The following ANKMY2 variants were observed in gnomAD, a reference collection of about 807,000 sequenced individuals.
ANKMY2 encodes the protein ankyrin repeat and MYND domain-containing protein 2.
A neutral mutation model predicts 50.4 loss-of-function variants in ANKMY2; 36 were observed. That is an observed-to-expected ratio of 0.71 (90% CI 0.55 to 0.94). The LOEUF is 0.94. ANKMY2 is among the 40% of genes least tolerant of loss of function. The pLI is 0.00. For synonymous variants in ANKMY2, 187 were observed against 178.8 expected (o/e 1.05, Z -0.36); for missense variants, 565 against 524.0 (o/e 1.08, Z -0.76).
At chr7:16,624,428 A>G (rs911315548) in intron 4 of ANKMY2, among the ~76,000 whole-genome samples, 1 of 152,258 alleles carries the variant, frequency 6.6e-6, no homozygotes, top group African/African-American at 2.4e-5. Flanking sequence ...GATGAGAATG[A>G]TAACGAAGTA....
chr7:16,644,016 AAG>A (rs1424168520), intron 1 of ANKMY2, among the ~76,000 whole-genome samples: 3 of 152,128 alleles, frequency 2.0e-5, no homozygotes, highest in Non-Finnish European at 2.9e-5. Flanking sequence ...GAGAGAGAGA[AAG>A]AGACAGCGAG....
intron 1 of ANKMY2, among the ~76,000 whole-genome samples, chr7:16,642,670 C>T (rs377626510): frequency 7.3e-5 from 11 of 151,356 alleles, no homozygotes; most frequent in East Asian, 5.8e-4. Context: ...AAAAAACTCA[C>T]TTCACCCACT....
intron 4 of ANKMY2, among the ~76,000 whole-genome samples, chr7:16,619,546 T>C (rs1381310186): frequency 6.6e-6 from 1 of 152,204 alleles, no homozygotes; most frequent in African/African-American, 2.4e-5. Flanking sequence ...ATTTTGATAT[T>C]TTATTTTAAT....
In ANKMY2 at chr7:16,643,315, A is replaced by G. The variant is rs527775130; in HGVS notation, c.67+2192T>C. Among the ~76,000 whole-genome samples, 13 of 152,330 alleles carry G rather than the reference A, an allele frequency of 8.5e-5. No homozygotes were observed. In the East Asian group the frequency reaches 2.3e-3, roughly 27 times the overall value. ...TTCCTAGCTCATCCAAATTAAATGC[A>G]TTAATATATGTAAAGTACTTAAAAT... On this transcript the variant is annotated intron_variant, in intron 1 of 9. Transcript: ENST00000306999.
At chr7:16,602,104 T>C (rs1056829529) in intron 9 of ANKMY2, among the ~76,000 whole-genome samples, 3 of 152,124 alleles carry the variant, frequency 2.0e-5, no homozygotes, top group African/African-American at 7.2e-5. Context: ...CCATTAAGGG[T>C]CCCATTGTTC....
At chr7:16,644,409 A>T (rs1781788076) in intron 1 of ANKMY2, among the ~76,000 whole-genome samples, 2 of 152,160 alleles carry the variant, frequency 1.3e-5, no homozygotes, top group Non-Finnish European at 2.9e-5. Context: ...TCAAACCGGA[A>T]TTTTTTCTCC....
At chr7:16,601,030 C>T in intron 9 of ANKMY2, 85 bp from the exon 10 acceptor site, 1 of 1,062,758 alleles carries the variant, frequency 9.4e-7, no homozygotes, top group Non-Finnish European at 1.3e-6. Flanking sequence ...TTTAATCTTC[C>T]TATCAACTAC....
At chr7:16,634,147 CAT>C (rs1781624564) in intron 2 of ANKMY2, among the ~76,000 whole-genome samples, 1 of 152,144 alleles carries the variant, frequency 6.6e-6, no homozygotes. Context: ...CCACTAGCCA[CAT>C]ATGGCTATTT....
At chr7:16,610,143 A>G (rs1329008148) in intron 6 of ANKMY2, among the ~76,000 whole-genome samples, 1 of 152,244 alleles carries the variant, frequency 6.6e-6, no homozygotes, top group African/African-American at 2.4e-5. Flanking sequence ...TCTGGTGGTC[A>G]GAGAAGCAGC....
chr7:16,629,096 G>A (rs546367942), intron 2 of ANKMY2, among the ~76,000 whole-genome samples: 1 of 152,000 alleles, frequency 6.6e-6, no homozygotes, highest in African/African-American at 2.4e-5. Flanking sequence ...GCCCATTTAC[G>A]TGTCTCCTAT....
At chr7:16,633,657 A>G (rs753392712) in intron 2 of ANKMY2, among the ~76,000 whole-genome samples, 30 of 152,162 alleles carry the variant, frequency 2.0e-4, no homozygotes, top group Non-Finnish European at 3.4e-4. Context: ...ATAAGCTACA[A>G]TTTCCGTTAT....
chr7:16,636,763 T>C (rs1303709763), intron 1 of ANKMY2, among the ~76,000 whole-genome samples: 1 of 151,592 alleles, frequency 6.6e-6, no homozygotes, highest in African/African-American at 2.4e-5. Flanking sequence ...GACTTAATAC[T>C]GAAAAAAAAT....
chr7:16,611,491 G>A (rs1211629562), intron 5 of ANKMY2, among the ~76,000 whole-genome samples: 1 of 152,178 alleles, frequency 6.6e-6, no homozygotes, highest in Admixed American at 6.5e-5. Context: ...TTGTAGGGTA[G>A]ATTATTTGAA....
At chr7:16,641,895 G>C (rs1312409543) in intron 1 of ANKMY2, among the ~76,000 whole-genome samples, 1 of 152,126 alleles carries the variant, frequency 6.6e-6, no homozygotes, top group Non-Finnish European at 1.5e-5. Context: ...CCTGCAGATG[G>C]GGGTGAAGTT....
At chr7:16,614,697 A>G (rs1781312671) in intron 5 of ANKMY2, among the ~76,000 whole-genome samples, 1 of 152,204 alleles carries the variant, frequency 6.6e-6, no homozygotes, top group Admixed American at 6.5e-5. Flanking sequence ...AGCAGACTCC[A>G]CAGATTCTTC....
intron 2 of ANKMY2, among the ~76,000 whole-genome samples, chr7:16,629,750 A>G (rs527836838): frequency 6.6e-6 from 1 of 152,342 alleles, no homozygotes; most frequent in South Asian, 2.1e-4. Context: ...GTACTTTCCT[A>G]TCTTAGTACA....
At chr7:16,643,073 G>A (rs918391285) in intron 1 of ANKMY2, among the ~76,000 whole-genome samples, 6 of 152,112 alleles carry the variant, frequency 3.9e-5, no homozygotes, top group African/African-American at 1.2e-4. Flanking sequence ...GCAGTATTTC[G>A]AATGCTTTAA....
chr7:16,625,928 TC>T (rs1475721956), intron 3 of ANKMY2, among the ~76,000 whole-genome samples: 2 of 152,014 alleles, frequency 1.3e-5, no homozygotes, highest in Admixed American at 1.3e-4. Flanking sequence ...TTGTTTTCCA[TC>T]CAATTTTCTA....
chr7:16,617,913 G>C (rs1781379104), intron 4 of ANKMY2, among the ~76,000 whole-genome samples: 2 of 141,724 alleles, frequency 1.4e-5, no homozygotes, highest in South Asian at 4.4e-4. Flanking sequence ...GCTACAGTGA[G>C]CGTGTTTTTT....
Sources: allele counts gnomAD v4.1 joint callset (sites outside exome capture counted in the v4.1 genomes callset), GRCh38; gene constraint gnomAD v4.1.1; transcripts MANE v1.5; gene names NCBI Gene and HGNC (gene_info 2026-07-23, HGNC 2026-07-21).